Variants in AGMO observed in about 807,000 individuals in gnomAD.
The protein encoded by AGMO is alkylglycerol monooxygenase, also known as glyceryl-ether monooxygenase.
In AGMO, 75 loss-of-function variants were observed where a neutral mutation model predicts 60.2. That is an observed-to-expected ratio of 1.25 (90% CI 1.03 to 1.51). The LOEUF is 1.51. Among genes scored for constraint, AGMO ranks in the 40% most tolerant of loss-of-function variants. The pLI, the probability that AGMO is intolerant of heterozygous loss-of-function variation, is 0.00. For synonymous variants in AGMO, 261 were observed against 177.1 expected, an observed-to-expected ratio of 1.47 and a Z score of -3.76; for missense variants, 763 against 525.5, an observed-to-expected ratio of 1.45 and a Z score of -4.42.
At position 15,385,548 on chromosome 7, in the gene AGMO, T is replaced by C. The variant is rs972932289; in HGVS notation, c.972A>G (p.Glu324=). ...GAGATGAAGATGATGAGAAGGGAAC[T>C]TCTTTGCCGGTGACCTAGGGAGACA... ...SEEIPEVTGK[E]VPFSSSSSQL... The change falls in exon 10 of 13, where the codon GAA becomes GAG. Residue 324 remains glutamate, a synonymous_variant. Transcript: ENST00000342526. The C allele has an allele frequency of 8.7e-6, 14 of 1,608,828 alleles. No individual in the cohort carries two copies. The highest frequency in any genetic ancestry group is 1.1e-5 in the South Asian group (1 of 90,854).
At chr7:15,322,996 T>G (rs2128540524) in intron 12 of AGMO, among the ~76,000 whole-genome samples, 1 of 92,202 alleles carries the variant, frequency 1.1e-5, no homozygotes, top group African/African-American at 4.9e-5. Context: ...TTTTTTATTT[T>G]TTCCTGTATC....
intron 12 of AGMO, among the ~76,000 whole-genome samples, chr7:15,340,320 T>C (rs944297842): frequency 2.0e-5 from 3 of 152,208 alleles, no homozygotes; most frequent in Non-Finnish European, 4.4e-5. Flanking sequence ...TACTCAAAGT[T>C]TTAGATTTTG....
chr7:15,438,697 T>G (rs1781466010), intron 3 of AGMO, among the ~76,000 whole-genome samples: 1 of 152,068 alleles, frequency 6.6e-6, no homozygotes, highest in African/African-American at 2.4e-5. Context: ...GGCCCTAGGG[T>G]ACGCAAAGAC....
the AGMO span, among the ~76,000 whole-genome samples, chr7:15,185,735 T>G: frequency 6.6e-6 from 1 of 152,198 alleles, no homozygotes; most frequent in Non-Finnish European, 1.5e-5. Flanking sequence ...GAACCACAGG[T>G]GAGCAGTGAA....
chr7:15,354,646 G>C (rs915213033), intron 12 of AGMO, among the ~76,000 whole-genome samples: 1 of 146,242 alleles, frequency 6.8e-6, no homozygotes, highest in African/African-American at 2.5e-5. Context: ...TATTCATAAG[G>C]GTGGTAAGTG....
chr7:15,389,699 G>A (rs111316818), intron 8 of AGMO, among the ~76,000 whole-genome samples: 8 of 152,172 alleles, frequency 5.3e-5, no homozygotes, highest in African/African-American at 1.7e-4. Flanking sequence ...TAAGTTTACA[G>A]CTAACAAGTT....
chr7:15,118,721 G>T, the AGMO span, among the ~76,000 whole-genome samples: 1 of 151,840 alleles, frequency 6.6e-6, no homozygotes, highest in East Asian at 1.9e-4. Context: ...AATATGACTA[G>T]ATAAGTAAAC....
At chr7:15,235,599 T>A (rs1782394747) in intron 12 of AGMO, among the ~76,000 whole-genome samples, 1 of 152,254 alleles carries the variant, frequency 6.6e-6, no homozygotes, top group South Asian at 2.1e-4. Flanking sequence ...GCCGTTCTGA[T>A]TCATTTTGTA....
chr7:15,465,457 C>G (rs1472510097), intron 3 of AGMO, among the ~76,000 whole-genome samples: 1 of 151,064 alleles, frequency 6.6e-6, no homozygotes, highest in African/African-American at 2.4e-5. Context: ...AGATCTTGCT[C>G]TTTTGCCCAG....
At chr7:15,547,723 G>A (rs992813226) in intron 2 of AGMO, among the ~76,000 whole-genome samples, 2 of 151,998 alleles carry the variant, frequency 1.3e-5, no homozygotes, top group Non-Finnish European at 1.5e-5. Flanking sequence ...CTGCAAGGCG[G>A]CAGCGAGGCT....
the AGMO span, among the ~76,000 whole-genome samples, chr7:15,153,645 T>C: frequency 2.6e-5 from 4 of 152,182 alleles, no homozygotes; most frequent in Admixed American, 6.5e-5. Context: ...GAAGATCAGT[T>C]GACTGTAAGC....
rs192299154 is a variant in AGMO at position 15,499,079 on chromosome 7, G to T, written c.409+45693C>A. On this transcript the variant is annotated intron_variant, in intron 3 of 12. Coordinates refer to ENST00000342526, the MANE Select transcript of AGMO (RefSeq NM_001004320.2). ...AAAAACACTTAAAGTTCCAAGTTAT[G>T]ATTCCTAGATCTTTTCAAAGAAGAT... Among the ~76,000 whole-genome samples the T allele has an allele frequency of 1.3e-4, 19 of 151,894 alleles. No individual in the cohort carries two copies. The East Asian group carries it at 3.1e-3, about 25-fold the overall frequency.
intron 3 of AGMO, among the ~76,000 whole-genome samples, chr7:15,462,591 T>TTCTA (rs1782171203): frequency 6.6e-6 from 1 of 152,212 alleles, no homozygotes; most frequent in Non-Finnish European, 1.5e-5. Context: ...GCAAGACATG[T>TTCTA]ACGAGCTTTA....
intron 2 of AGMO, among the ~76,000 whole-genome samples, chr7:15,559,617 A>G (rs998015049): frequency 1.3e-5 from 2 of 152,184 alleles, no homozygotes; most frequent in Non-Finnish European, 2.9e-5. Context: ...AATGTTCTCT[A>G]TAGTTCAAGA....
At chr7:15,283,516 A>G (rs572614834) in intron 12 of AGMO, among the ~76,000 whole-genome samples, 120 of 152,188 alleles carry the variant, frequency 7.9e-4, no homozygotes, top group South Asian at 7.7e-3. Flanking sequence ...AAAATGATCA[A>G]TTCAACAAGG....
At chr7:15,325,223 T>G (rs1781299613) in intron 12 of AGMO, among the ~76,000 whole-genome samples, 1 of 152,104 alleles carries the variant, frequency 6.6e-6, no homozygotes, top group Admixed American at 6.6e-5. Flanking sequence ...CCAAATTAAC[T>G]TGCATTATAT....
intron 3 of AGMO, among the ~76,000 whole-genome samples, chr7:15,505,286 G>A (rs1783483278): frequency 6.6e-6 from 1 of 151,946 alleles, no homozygotes; most frequent in South Asian, 2.1e-4. Flanking sequence ...AAGGTCCTCA[G>A]GATTTATGAG....
At chr7:15,230,077 A>T (rs975970457) in intron 12 of AGMO, among the ~76,000 whole-genome samples, 39 of 152,094 alleles carry the variant, frequency 2.6e-4, no homozygotes, top group Non-Finnish European at 1.5e-4. Context: ...GCACATACAA[A>T]ATTTCAAGCC....
At chr7:15,325,891 C>T (rs73679472) in intron 12 of AGMO, among the ~76,000 whole-genome samples, 102 of 151,794 alleles carry the variant, frequency 6.7e-4, no homozygotes, top group African/African-American at 2.4e-3. Flanking sequence ...GTTTCTGTCC[C>T]CTTTAATGAC....
Sources: gnomAD v4.1 joint callset for allele counts (sites outside exome capture counted in the v4.1 genomes callset) on GRCh38, gnomAD v4.1.1 for gene constraint, MANE v1.5 for transcripts, NCBI Gene and HGNC (gene_info 2026-07-23, HGNC 2026-07-21) for gene names.